The following LPXN variants were observed in gnomAD, a reference collection of about 807,000 sequenced individuals.
LPXN encodes leupaxin.
A neutral mutation model predicts 45.6 loss-of-function variants in LPXN; 28 were observed. The observed-to-expected ratio is 0.61, with a 90% CI of 0.45 to 0.84. The LOEUF (loss-of-function observed/expected upper bound fraction) is 0.84. Among genes scored for constraint, LPXN ranks in the 40% least tolerant of loss-of-function variants. The probability of loss-of-function intolerance (pLI) is 0.00; values close to 1 mark genes in which losing one functional copy is unlikely to be tolerated. For synonymous variants in LPXN, 166 were observed against 169.9 expected, an observed-to-expected ratio of 0.98 and a Z score of 0.18; for missense variants, 459 against 475.0, an observed-to-expected ratio of 0.97 and a Z score of 0.31.
At chr11:58,568,651 G>A (rs1854592159) in intron 2 of LPXN, among the ~76,000 whole-genome samples, 1 of 151,990 alleles carries the variant, frequency 6.6e-6, no homozygotes, top group Admixed American at 6.6e-5. Context: ...TTCATACGCT[G>A]CTAGATGAGA....
At chr11:58,528,219 G>A in intron 7 of LPXN, 28 bp from the exon 8 acceptor site, 1 of 1,606,798 alleles carries the variant, frequency 6.2e-7, no homozygotes, top group African/African-American at 1.3e-5. Flanking sequence ...GGAATTCACT[G>A]TTGCAGGTTG....
At chr11:58,535,101 G>A (rs1565185462) in intron 7 of LPXN, among the ~76,000 whole-genome samples, 1 of 152,142 alleles carries the variant, frequency 6.6e-6, no homozygotes, top group Non-Finnish European at 1.5e-5. Context: ...ACAAAAAGGA[G>A]CTGATACCAT....
intron 7 of LPXN, among the ~76,000 whole-genome samples, chr11:58,535,508 T>A (rs1250559251): frequency 6.6e-6 from 1 of 152,180 alleles, no homozygotes; most frequent in Non-Finnish European, 1.5e-5. Flanking sequence ...TAGGTATTGA[T>A]GGAATGTATC....
chr11:58,542,226 T>C (rs906165656), intron 7 of LPXN, among the ~76,000 whole-genome samples: 4 of 125,712 alleles, frequency 3.2e-5, no homozygotes, highest in Admixed American at 1.6e-4. Context: ...AATAATAATA[T>C]GTTGGACATT....
chr11:58,572,105 C>A (rs2134358202), intron 1 of LPXN, among the ~76,000 whole-genome samples: 1 of 151,996 alleles, frequency 6.6e-6, no homozygotes, highest in South Asian at 2.1e-4. Context: ...GACTTCTTAC[C>A]ACAGATTTTA....
intron 7 of LPXN, among the ~76,000 whole-genome samples, chr11:58,530,086 G>A (rs529016756): frequency 2.0e-5 from 3 of 152,328 alleles, no homozygotes; most frequent in African/African-American, 4.8e-5. Flanking sequence ...AGGGCCCTGG[G>A]TTTCAAGCAC....
intron 1 of LPXN, among the ~76,000 whole-genome samples, chr11:58,574,232 G>A (rs748783516): frequency 3.9e-5 from 6 of 152,172 alleles, no homozygotes; most frequent in Non-Finnish European, 8.8e-5. Flanking sequence ...CTAACATTTA[G>A]CCTGCTCAGG....
rs1391784215 is a variant in LPXN at position 58,554,859 on chromosome 11, C to T, written c.300G>A (p.Leu100=). ...AAQLDELMAH[L]TEMQAKVAVR... is the part of the protein sequence containing the mutation. ...CACTCACCTTGGCCTGCATCTCAGTCAGGTGAGCCATGAGCTCATCCAACT... is the reference window on the plus strand; with the variant it reads ...CACTCACCTTGGCCTGCATCTCAGTTAGGTGAGCCATGAGCTCATCCAACT... Residue 100 remains leucine (L), a synonymous_variant, in exon 4 of 9, where the codon CTG becomes CTA. Coordinates refer to ENST00000395074, the MANE Select transcript of LPXN (RefSeq NM_004811.3). 1 of 1,613,780 alleles carries T rather than the reference C, an allele frequency of 6.2e-7. No homozygotes were observed. The highest frequency in any genetic ancestry group is 8.5e-7 in the Non-Finnish European group (1 of 1,179,916).
intron 5 of LPXN, 80 bp downstream of exon 5, chr11:58,550,980 TTAAAA>T: frequency 7.6e-7 from 1 of 1,308,224 alleles, no homozygotes. Flanking sequence ...CTAAAATATC[TTAAAA>T]TATAAGGGGA....
intron 2 of LPXN, among the ~76,000 whole-genome samples, chr11:58,570,320 T>TA (rs969758476): frequency 4.7e-5 from 7 of 149,198 alleles, no homozygotes; most frequent in Non-Finnish European, 1.0e-4. Context: ...AAAAAAAAAA[T>TA]AAAAAAAATA....
rs761625950 is a variant in LPXN, at chr11:58,528,032, A to T, written c.891+11T>A. The T allele has an allele frequency of 1.3e-5, 21 of 1,610,804 alleles. 1 individual carries two copies. The South Asian group carries it at 2.3e-4, about 18-fold the overall frequency. On this transcript the variant is annotated intron_variant, in intron 8 of 8. Transcript: ENST00000395074. ...TTTCCCTAAGTCCGAAAGAAAAGTGATTATACAGACCCCACAAACAAAGCA... is the reference window on the plus strand; with the variant it reads ...TTTCCCTAAGTCCGAAAGAAAAGTGTTTATACAGACCCCACAAACAAAGCA...
At chr11:58,540,852 G>A (rs1350964368) in intron 7 of LPXN, among the ~76,000 whole-genome samples, 1 of 151,992 alleles carries the variant, frequency 6.6e-6, no homozygotes, top group Non-Finnish European at 1.5e-5. Flanking sequence ...TAAAACAAGT[G>A]CACCTCACAA....
intron 2 of LPXN, among the ~76,000 whole-genome samples, chr11:58,568,194 C>G (rs1169565382): frequency 6.6e-6 from 1 of 152,224 alleles, no homozygotes; most frequent in Non-Finnish European, 1.5e-5. Context: ...TTAGCTTTAA[C>G]AGGCAGCACC....
chr11:58,540,494 C>T (rs1853682802), intron 7 of LPXN, among the ~76,000 whole-genome samples: 1 of 151,892 alleles, frequency 6.6e-6, no homozygotes, highest in African/African-American at 2.4e-5. Context: ...TGATGCATGC[C>T]GAAGTATTTA....
intron 7 of LPXN, among the ~76,000 whole-genome samples, chr11:58,532,406 T>C (rs1241402594): frequency 6.6e-6 from 1 of 152,246 alleles, no homozygotes; most frequent in Non-Finnish European, 1.5e-5. Flanking sequence ...GCTGGGCTCC[T>C]GAGTCAGGTG....
intron 7 of LPXN, among the ~76,000 whole-genome samples, chr11:58,534,177 A>C (rs1853479512): frequency 6.6e-6 from 1 of 152,230 alleles, no homozygotes; most frequent in South Asian, 2.1e-4. Context: ...AGCAGACCTG[A>C]TAGACATCTA....
chr11:58,551,637 T>C (rs970137537), intron 4 of LPXN, among the ~76,000 whole-genome samples: 4 of 152,186 alleles, frequency 2.6e-5, no homozygotes, highest in African/African-American at 9.7e-5. Context: ...AAAGCAAAGA[T>C]AAGACAGACC....
intron 2 of LPXN, among the ~76,000 whole-genome samples, chr11:58,564,610 T>C (rs777076900): frequency 6.6e-6 from 1 of 152,130 alleles, no homozygotes; most frequent in Non-Finnish European, 1.5e-5. Context: ...TAAAAGATGG[T>C]TGGCTGGCAA....
chr11:58,570,728 G>A lies in LPXN; in HGVS notation c.14-15C>T. ...CAATAAGGCATCTACACCATAAGAA[G>A]CAAGAGAATCATGACAGAGAATATT... On this transcript the variant is annotated splice_polypyrimidine_tract_variant and intron_variant, in intron 1 of 8. Coordinates refer to ENST00000395074, the MANE Select transcript of LPXN (RefSeq NM_004811.3). 1 of 1,587,438 alleles carries A rather than the reference G, an allele frequency of 6.3e-7. No individual in the cohort carries two copies. Among genetic ancestry groups the A allele is most frequent in the East Asian group, 2.2e-5 (1 of 44,596 alleles).
Sources: gnomAD v4.1 joint callset for allele counts (sites outside exome capture counted in the v4.1 genomes callset) on GRCh38, gnomAD v4.1.1 for gene constraint, MANE v1.5 for transcripts, NCBI Gene and HGNC (gene_info 2026-07-23, HGNC 2026-07-21) for gene names.